Variants in HS3ST5 observed in about 807,000 individuals in gnomAD.
HS3ST5 encodes heparan sulfate-glucosamine 3-sulfotransferase 5, also known as heparan sulfate glucosamine 3-O-sulfotransferase 5.
In HS3ST5, 10 loss-of-function variants were observed where a neutral mutation model predicts 25.4. The ratio of observed to expected loss-of-function variants is 0.39; its 90% CI spans 0.24 to 0.67. The LOEUF is 0.67. Among genes scored for constraint, HS3ST5 ranks in the 30% least tolerant of loss-of-function variants. HS3ST5 has a pLI of 0.44. For synonymous variants in HS3ST5, 170 were observed against 162.4 expected (o/e 1.05, Z -0.36); for missense variants, 324 against 420.7 (o/e 0.77, Z 2.01).
chr6:114,268,932 A>G (rs761628700), intron 1 of HS3ST5, among the ~76,000 whole-genome samples: 2 of 152,172 alleles, frequency 1.3e-5, no homozygotes, highest in African/African-American at 4.8e-5. Context: ...GATGCTGCCC[A>G]TTCCTCATGC....
intron 1 of HS3ST5, among the ~76,000 whole-genome samples, chr6:114,327,076 G>A (rs1776203076): frequency 6.6e-6 from 1 of 152,174 alleles, no homozygotes; most frequent in East Asian, 1.9e-4. Context: ...CTAGAATACA[G>A]ATAAGCTCCT....
chr6:114,127,544 T>G (rs901192916), intron 3 of HS3ST5, among the ~76,000 whole-genome samples: 2 of 152,116 alleles, frequency 1.3e-5, no homozygotes, highest in African/African-American at 4.8e-5. Context: ...GATTCCAAGT[T>G]TGGGCATTTC....
At chr6:114,325,878 T>G (rs1307926767) in intron 1 of HS3ST5, among the ~76,000 whole-genome samples, 1 of 152,184 alleles carries the variant, frequency 6.6e-6, no homozygotes, top group African/African-American at 2.4e-5. Context: ...ACCTATGATT[T>G]CATTCAACAA....
chr6:114,221,081 C>T (rs139580570), intron 2 of HS3ST5, among the ~76,000 whole-genome samples: 163 of 152,118 alleles, frequency 1.1e-3, no homozygotes, highest in African/African-American at 3.8e-3. Flanking sequence ...CACACACCAT[C>T]TAACCTGGAC....
chr6:114,182,722 C>T (rs1780029990), intron 2 of HS3ST5, among the ~76,000 whole-genome samples: 1 of 152,172 alleles, frequency 6.6e-6, no homozygotes, highest in Admixed American at 6.5e-5. Flanking sequence ...TTAAACAGCA[C>T]ATTCCAGGTG....
At chr6:114,239,981 C>T (rs1328916405) in intron 1 of HS3ST5, among the ~76,000 whole-genome samples, 4 of 149,134 alleles carry the variant, frequency 2.7e-5, no homozygotes, top group African/African-American at 5.0e-5. Flanking sequence ...AATTGTTTTA[C>T]ATCAATTCTT....
chr6:114,151,757 GA>G (rs767953064), intron 3 of HS3ST5, among the ~76,000 whole-genome samples: 25 of 151,910 alleles, frequency 1.6e-4, no homozygotes, highest in Non-Finnish European at 2.5e-4. Context: ...GTAAAATGTA[GA>G]AAATTATATC....
At chr6:114,294,441 CTTTTTTTT>C (rs57443813) in intron 1 of HS3ST5, among the ~76,000 whole-genome samples, 5 of 112,952 alleles carry the variant, frequency 4.4e-5, no homozygotes, top group East Asian at 5.1e-4. Flanking sequence ...AGGTTAGAAA[CTTTTTTTT>C]TTTTTTTTTT....
intron 1 of HS3ST5, among the ~76,000 whole-genome samples, chr6:114,255,222 G>C (rs1411743194): frequency 6.6e-6 from 1 of 152,216 alleles, no homozygotes; most frequent in Non-Finnish European, 1.5e-5. Context: ...CAATAGGGCA[G>C]TCAAATCTTA....
At chr6:114,128,019 G>T (rs575620977) in intron 3 of HS3ST5, among the ~76,000 whole-genome samples, 15 of 151,794 alleles carry the variant, frequency 9.9e-5, no homozygotes, top group Middle Eastern at 3.4e-3. Context: ...CCTGAAAAAG[G>T]AAAAAGTAAA....
At chr6:114,071,397 T>A (rs1664480635) in intron 3 of HS3ST5, among the ~76,000 whole-genome samples, 1 of 152,144 alleles carries the variant, frequency 6.6e-6, no homozygotes, top group Middle Eastern at 3.4e-3. Context: ...CTTGGGAAAG[T>A]CTTTCTTGAT....
intron 1 of HS3ST5, among the ~76,000 whole-genome samples, chr6:114,319,701 T>C (rs1427792134): frequency 6.6e-6 from 1 of 152,140 alleles, no homozygotes; most frequent in African/African-American, 2.4e-5. Flanking sequence ...TGAATAATAT[T>C]CCATTGTATG....
intron 1 of HS3ST5, among the ~76,000 whole-genome samples, chr6:114,242,005 G>C (rs956107105): frequency 6.6e-6 from 1 of 151,980 alleles, no homozygotes; most frequent in Non-Finnish European, 1.5e-5. Flanking sequence ...ATTTTTTTCT[G>C]TCTTTATGTC....
chr6:114,139,299 T>C (rs1316473806), intron 3 of HS3ST5, among the ~76,000 whole-genome samples: 1 of 151,830 alleles, frequency 6.6e-6, no homozygotes, highest in Non-Finnish European at 1.5e-5. Context: ...TGGGCTACTG[T>C]GGTTGAAGAG....
chr6:114,118,205 T>A (rs1776622549), intron 3 of HS3ST5, among the ~76,000 whole-genome samples: 1 of 152,130 alleles, frequency 6.6e-6, no homozygotes. Context: ...CCATTGAGAT[T>A]CTGAGGGGGC....
In HS3ST5 at chr6:114,057,069, A is replaced by ATT. The variant is rs544459341; in HGVS notation, c.*186_*187dup. ...AAAAGATGCGACTATGCAGACAGCAATTTTTTTTTTTTCGTAAATTTTCAG... is the reference window on the plus strand; with the variant it reads ...AAAAGATGCGACTATGCAGACAGCAATTTTTTTTTTTTTTCGTAAATTTTCAG... On this transcript the variant is annotated 3_prime_UTR_variant, in exon 5 of 5. Coordinates refer to ENST00000312719, the MANE Select transcript of HS3ST5 (RefSeq NM_153612.4). 3.6e-4 allele frequency: 144 copies of ATT among 405,300 alleles called. No homozygotes were observed. Among genetic ancestry groups the ATT allele is most frequent in the South Asian group, 9.1e-4 (19 of 20,860 alleles). The allele number at this position is 405,300 out of a possible 1,614,324, so 25.1% of individuals were successfully genotyped here.
At chr6:114,096,165 A>G (rs960048840) in intron 3 of HS3ST5, among the ~76,000 whole-genome samples, 1 of 152,190 alleles carries the variant, frequency 6.6e-6, no homozygotes, top group Non-Finnish European at 1.5e-5. Flanking sequence ...TGGAAAAAGC[A>G]TCAAAAATAC....
intron 1 of HS3ST5, among the ~76,000 whole-genome samples, chr6:114,254,517 GT>G (rs1389026530): frequency 6.6e-6 from 1 of 152,202 alleles, no homozygotes; most frequent in Non-Finnish European, 1.5e-5. Flanking sequence ...ATGGTGTCAA[GT>G]TCTGCTTAGG....
chr6:114,253,418 GCT>G (rs1317909815), intron 1 of HS3ST5, among the ~76,000 whole-genome samples: 2 of 152,128 alleles, frequency 1.3e-5, no homozygotes, highest in Non-Finnish European at 2.9e-5. Flanking sequence ...ACTGAGTTTT[GCT>G]TAGTTTTGTT....
Sources: gnomAD v4.1 joint callset for allele counts (sites outside exome capture counted in the v4.1 genomes callset) on GRCh38, gnomAD v4.1.1 for gene constraint, MANE v1.5 for transcripts, NCBI Gene and HGNC (gene_info 2026-07-23, HGNC 2026-07-21) for gene names.